The following BFSP1 variants were observed in gnomAD, a reference collection of about 807,000 sequenced individuals.
BFSP1 encodes the protein filensin.
In BFSP1, 38 loss-of-function variants were observed where a neutral mutation model predicts 43.9. The ratio of observed to expected loss-of-function variants is 0.87; its 90% CI spans 0.67 to 1.14. The LOEUF is 1.14. Ranked by LOEUF, BFSP1 falls within the 50% of genes most tolerant of loss-of-function variation. The probability of loss-of-function intolerance (pLI) is 0.00; values close to 1 mark genes in which losing one functional copy is unlikely to be tolerated. For synonymous variants in BFSP1, 352 were observed against 354.8 expected, an observed-to-expected ratio of 0.99 and a Z score of 0.09; for missense variants, 850 against 875.1, an observed-to-expected ratio of 0.97 and a Z score of 0.36.
At chr20:17,502,673 C>G (rs191470075) in intron 5 of BFSP1, among the ~76,000 whole-genome samples, 1 of 152,140 alleles carries the variant, frequency 6.6e-6, no homozygotes, top group Non-Finnish European at 1.5e-5. Context: ...TGCAACTTTT[C>G]AAAAATCTAA....
At chr20:17,527,175 A>C (rs1239310681) in intron 1 of BFSP1, among the ~76,000 whole-genome samples, 3 of 152,272 alleles carry the variant, frequency 2.0e-5, no homozygotes, top group Admixed American at 6.5e-5. Flanking sequence ...ACATCTCTGC[A>C]TAAGTTTTAC....
At chr20:17,539,311 C>T (rs1337971101) in intron 1 of BFSP1, among the ~76,000 whole-genome samples, 2 of 151,738 alleles carry the variant, frequency 1.3e-5, no homozygotes, top group Non-Finnish European at 2.9e-5. Context: ...AGGAGTCTTG[C>T]TGTGCTGCTC....
chr20:17,533,776 G>C (rs994261824), upstream of BFSP1, among the ~76,000 whole-genome samples: 1 of 152,218 alleles, frequency 6.6e-6, no homozygotes, highest in African/African-American at 2.4e-5. Flanking sequence ...AATACCATTT[G>C]AGAAAAATAT....
intron 6 of BFSP1, 43 bp from the exon 7 acceptor site, chr20:17,497,066 G>C: frequency 7.1e-7 from 1 of 1,410,358 alleles, no homozygotes; most frequent in Admixed American, 2.9e-5. Flanking sequence ...CAGAGGTCAG[G>C]GGCAAGAGCG....
intron 2 of BFSP1, chr20:17,517,221 G>T: frequency 1.1e-6 from 1 of 936,446 alleles, no homozygotes; most frequent in Non-Finnish European, 1.7e-6. Context: ...TGAATGTGGT[G>T]CTGGAGTGTT....
intron 3 of BFSP1, 33 bp downstream of exon 3, chr20:17,514,688 T>C: frequency 1.2e-6 from 2 of 1,604,882 alleles, no homozygotes; most frequent in Non-Finnish European, 1.7e-6. Context: ...AACTGGGTTT[T>C]CTAGAGGAAG....
At chr20:17,524,960 G>GTA (rs775140610) in intron 1 of BFSP1, 52 bp from the exon 2 acceptor site, 1 of 1,461,408 alleles carries the variant, frequency 6.8e-7, no homozygotes, top group East Asian at 2.3e-5. Flanking sequence ...GCTTTCACAT[G>GTA]TATGGATCAC....
chr20:17,514,206 G>T (rs1329533465), intron 3 of BFSP1, among the ~76,000 whole-genome samples: 1 of 152,136 alleles, frequency 6.6e-6, no homozygotes, highest in Non-Finnish European at 1.5e-5. Context: ...AGAGAGGTTA[G>T]GCCACTCACC....
rs2034095401 is a variant in BFSP1, at chr20:17,512,070, T to C, written c.535-2A>G. ...ATAGGTCTGAACTTCCAGAAGATTC[T>C]GTTGGGGGAGGGAAAACATTCTCAT... On this transcript the variant is annotated splice_acceptor_variant, in intron 3 of 7. Transcript: ENST00000377873. LOFTEE classifies it high-confidence loss of function. The C allele has an allele frequency of 6.3e-7, 1 of 1,598,018 alleles. No individual in the cohort carries two copies. The highest frequency in any genetic ancestry group is 8.6e-7 in the Non-Finnish European group (1 of 1,165,486).
chr20:17,512,844 T>A (rs550370358), intron 3 of BFSP1, among the ~76,000 whole-genome samples: 2 of 152,354 alleles, frequency 1.3e-5, no homozygotes, highest in African/African-American at 4.8e-5. Context: ...ATGTGTGACC[T>A]CAGGCAAGCT....
At chr20:17,519,606 G>A (rs886815467) in intron 2 of BFSP1, among the ~76,000 whole-genome samples, 2 of 152,208 alleles carry the variant, frequency 1.3e-5, no homozygotes, top group South Asian at 4.1e-4. Flanking sequence ...ATCCTTCGAG[G>A]TGCCTGTCAT....
chr20:17,497,693 C>T (rs997043987), intron 6 of BFSP1, among the ~76,000 whole-genome samples: 8 of 150,428 alleles, frequency 5.3e-5, no homozygotes, highest in Non-Finnish European at 4.4e-5. Flanking sequence ...TATACATGTA[C>T]ACACACACAT....
chr20:17,510,242 C>T (rs79869377), intron 4 of BFSP1, among the ~76,000 whole-genome samples: 18,780 of 152,158 alleles, frequency 0.12, 1,333 homozygotes, highest in East Asian at 0.33. Context: ...CAAGCCCAGA[C>T]GATGCTGATC....
intron 5 of BFSP1, among the ~76,000 whole-genome samples, chr20:17,501,808 G>A (rs777121874): frequency 6.6e-6 from 1 of 152,136 alleles, no homozygotes; most frequent in Non-Finnish European, 1.5e-5. Flanking sequence ...TAGGACCAGG[G>A]GTGGGCCTGA....
rs577635210 is a variant in BFSP1 at position 17,509,192 on chromosome 20, G to A, written c.628-196C>T. 2.6e-5 allele frequency among the ~76,000 whole-genome samples: 4 copies of A among 152,266 alleles called. No homozygotes were observed. The South Asian group carries it at 6.2e-4, about 24-fold the overall frequency. Reference sequence around the variant, plus strand: ...GTTAGATGAGGTCATGAGGATGGGGGGCCCCATCATGTGATTAGGGTCTTT... The same window carrying A: ...GTTAGATGAGGTCATGAGGATGGGGAGCCCCATCATGTGATTAGGGTCTTT... On this transcript the variant is annotated intron_variant, in intron 4 of 7. Coordinates refer to ENST00000377873, the MANE Select transcript of BFSP1 (RefSeq NM_001195.5).
At chr20:17,504,527 C>G (rs965544489) in intron 5 of BFSP1, among the ~76,000 whole-genome samples, 2 of 152,240 alleles carry the variant, frequency 1.3e-5, no homozygotes, top group South Asian at 2.1e-4. Flanking sequence ...CCCAGGGCAT[C>G]TCAGAGGAAG....
rs754779804 is a variant in BFSP1 at position 17,508,986 on chromosome 20, A to C, written c.638T>G (p.Leu213Arg). Residue 213 changes from leucine (L) to arginine (R), a missense_variant, in exon 5 of 8, where the codon CTG becomes CGG. Transcript: ENST00000377873. ...CAGGGCGGCCACCTCCCGCTCCGTC[A>C]GGAGCTTCTCCTGCACAGAGAAGGC... ...VTSGMREEKLLTEREVAALRS... is the reference protein window; with the variant it reads ...VTSGMREEKLRTEREVAALRS... 6.3e-7 allele frequency: 1 copy of C among 1,585,624 alleles called. No individual in the cohort carries two copies.
At chr20:17,565,875 T>C (rs1339387890) in intron 1 of BFSP1, 2 of 152,190 alleles carry the variant, frequency 1.3e-5, no homozygotes, top group East Asian at 3.8e-4. Flanking sequence ...CCCAGCGCTA[T>C]GGGAGGCCGA....
chr20:17,540,253 A>G (rs201933), intron 1 of BFSP1, among the ~76,000 whole-genome samples: 29,906 of 152,004 alleles, frequency 0.2, 3,204 homozygotes, highest in Non-Finnish European at 0.23. Flanking sequence ...CTGCCTGCTC[A>G]TGATCAACTC....
Sources: allele counts gnomAD v4.1 joint callset (sites outside exome capture counted in the v4.1 genomes callset), GRCh38; gene constraint gnomAD v4.1.1; transcripts MANE v1.5; gene names NCBI Gene and HGNC (gene_info 2026-07-23, HGNC 2026-07-21).